The following APC variants were observed in gnomAD, a reference collection of about 807,000 sequenced individuals.
APC encodes APC regulator of Wnt signaling pathway.
Under a neutral mutation model 247.0 loss-of-function variants are expected in APC, and 72 were observed. That is an observed-to-expected ratio of 0.29 (90% CI 0.24 to 0.35). The LOEUF (loss-of-function observed/expected upper bound fraction) is 0.35. Among genes scored for constraint, APC ranks in the 10% least tolerant of loss-of-function variants. The pLI, the probability that APC is intolerant of heterozygous loss-of-function variation, is 1.00. For synonymous variants in APC, 1,254 were observed against 1,162.5 expected (o/e 1.08, Z -1.60); for missense variants, 3,400 against 3,360.7 (o/e 1.01, Z -0.29).
At chr5:112,795,638 T>C (rs761949273) in intron 7 of APC, among the ~76,000 whole-genome samples, 2 of 152,200 alleles carry the variant, frequency 1.3e-5, no homozygotes, top group Non-Finnish European at 2.9e-5. Context: ...CAGGTACAAA[T>C]GAACAAAGAC....
chr5:112,841,646 C>T lies in APC; in HGVS notation c.6052C>T (p.Pro2018Ser), dbSNP rs1274052355. 1 of 1,613,424 alleles carries T rather than the reference C, an allele frequency of 6.2e-7. No homozygotes were observed. The highest frequency in any genetic ancestry group is 8.5e-7 in the Non-Finnish European group (1 of 1,179,404). The change falls in exon 16 of 16, where the codon CCA (proline) becomes TCA (serine). Residue 2018 changes from proline (P) to serine (S), a missense_variant. This residue lies in a region of APC where 1,788 missense variants were observed against 1,649.5 expected (regional missense o/e 1.08). Coordinates refer to ENST00000257430, the MANE Select transcript of APC (RefSeq NM_000038.6). This position sits in a 1 kb window ranked among gnomAD's most constrained non-coding sequence, Gnocchi z 4.6. ...TAAATCATTTCATGTTGAAGATACC[C>T]CAGTTTGTTTCTCAAGAAACAGTTC... ...APKSFHVEDT[P>S]VCFSRNSSLS... is the part of the protein sequence containing the mutation.
intron 1 of APC, among the ~76,000 whole-genome samples, chr5:112,721,283 G>A (rs571666111): frequency 2.6e-5 from 4 of 152,194 alleles, no homozygotes; most frequent in East Asian, 3.9e-4. Flanking sequence ...GCATGGTGGC[G>A]TGTGCCTGTA....
rs185448520 is a variant in APC at position 112,769,176 on chromosome 5, G to A, written c.422+1786G>A. On this transcript the variant is annotated intron_variant, in intron 4 of 15. Transcript: ENST00000257430. ...AGCAATTCTCATGTCTCAGCCTCCC[G>A]GGTAGCTGGGATTACAGGCACGCCC... Among the ~76,000 whole-genome samples, 688 of 147,724 alleles carry A rather than the reference G, an allele frequency of 4.7e-3. 7 individuals are homozygous for A. Among genetic ancestry groups the A allele is most frequent in the African/African-American group, 0.017 (665 of 39,920 alleles).
chr5:112,732,324 G>A (rs1752140176), intron 1 of APC, among the ~76,000 whole-genome samples: 1 of 152,196 alleles, frequency 6.6e-6, no homozygotes, highest in South Asian at 2.1e-4. Flanking sequence ...ACCAAAGCTT[G>A]GGCACTACCC....
chr5:112,737,816 C>T (rs1336234073), upstream of APC: 1 of 985,104 alleles, frequency 1.0e-6, no homozygotes, highest in Non-Finnish European at 1.2e-6. Flanking sequence ...GTCGGGAGCC[C>T]GCCGATTGGC....
At chr5:112,769,400 T>A (rs1756770392) in intron 4 of APC, among the ~76,000 whole-genome samples, 1 of 152,182 alleles carries the variant, frequency 6.6e-6, no homozygotes, top group Non-Finnish European at 1.5e-5. Flanking sequence ...AAAAAATTGC[T>A]TGATGTATGG....
chr5:112,751,353 T>A (rs1434404468), intron 1 of APC, among the ~76,000 whole-genome samples: 1 of 152,096 alleles, frequency 6.6e-6, no homozygotes, highest in Admixed American at 6.5e-5. Flanking sequence ...ATTTTTTAAA[T>A]GTCTAGCTGC....
At chr5:112,727,876 G>A (rs1399604572) in intron 1 of APC, among the ~76,000 whole-genome samples, 1 of 150,648 alleles carries the variant, frequency 6.6e-6, no homozygotes, top group Non-Finnish European at 1.5e-5. Flanking sequence ...AGAGGTCAAA[G>A]TATTAAAAAA....
chr5:112,804,533 CCA>C (rs1761166607), intron 8 of APC, among the ~76,000 whole-genome samples: 2 of 152,108 alleles, frequency 1.3e-5, no homozygotes, highest in Non-Finnish European at 2.9e-5. Flanking sequence ...GTGTGTGCCA[CCA>C]CACCAAGCTA....
At chr5:112,721,706 G>C (rs1751492905) in intron 1 of APC, among the ~76,000 whole-genome samples, 1 of 152,160 alleles carries the variant, frequency 6.6e-6, no homozygotes, top group South Asian at 2.1e-4. Context: ...GGGTGTTTAA[G>C]AAAGGAGGAG....
At position 112,842,814 on chromosome 5, in the gene APC, G is replaced by T. The variant is rs1312870922; in HGVS notation, c.7220G>T (p.Gly2407Val). The T allele has an allele frequency of 6.2e-7, 1 of 1,613,468 alleles. No individual in the cohort carries two copies. The highest frequency in any genetic ancestry group is 8.5e-7 in the Non-Finnish European group (1 of 1,179,464). ...ASKGLNQMNNGNGANKKVELS... is the reference protein window; with the variant it reads ...ASKGLNQMNNVNGANKKVELS... ...AAAGGACTAAATCAGATGAATAATG[G>T]TAATGGAGCCAATAAAAAGGTAGAA... The change falls in exon 16 of 16, where the codon GGT (glycine) becomes GTT (valine). Residue 2407 changes from glycine to valine, a missense_variant. This residue lies in a region of APC where 1,788 missense variants were observed against 1,649.5 expected (regional missense o/e 1.08). Coordinates refer to ENST00000257430, the MANE Select transcript of APC (RefSeq NM_000038.6).
intron 14 of APC, among the ~76,000 whole-genome samples, chr5:112,834,184 G>C (rs528514432): frequency 6.7e-6 from 1 of 148,478 alleles, no homozygotes; most frequent in African/African-American, 2.5e-5. Flanking sequence ...TCCCAGTCAC[G>C]CCAGTCAGCC....
chr5:112,828,689 T>G (rs1253758411), intron 13 of APC, among the ~76,000 whole-genome samples, 167 bp from the exon 14 acceptor site: 1 of 152,090 alleles, frequency 6.6e-6, no homozygotes, highest in African/African-American at 2.4e-5. Context: ...TCTCAGGAGA[T>G]CCTCCTGCCT....
chr5:112,768,084 C>G (rs1354775683), intron 4 of APC, among the ~76,000 whole-genome samples: 2 of 146,930 alleles, frequency 1.4e-5, no homozygotes, highest in Non-Finnish European at 1.5e-5. Flanking sequence ...ACTTTTGTTG[C>G]CCAGGCTGGA....
rs531931776 is a variant in APC, at chr5:112,707,630, T to G, written c.-88T>G. The G allele has an allele frequency of 3.0e-6, 4 of 1,322,576 alleles. No individual in the cohort carries two copies. The African/African-American group carries it at 4.4e-5, about 14-fold the overall frequency. The allele number at this position is 1,322,576 out of a possible 1,614,324, so 81.9% of individuals were successfully genotyped here. Reference sequence around the variant, plus strand: ...AGGCCCGGGAGCTGCGGACCGAGGTTGGCTCGATGCTGTTCCCAGGTACTG... The same window carrying G: ...AGGCCCGGGAGCTGCGGACCGAGGTGGGCTCGATGCTGTTCCCAGGTACTG... On this transcript the variant is annotated 5_prime_UTR_variant, in exon 1 of 14. Transcript: ENST00000507379.
chr5:112,818,253 C>T (rs575778529), intron 9 of APC, among the ~76,000 whole-genome samples: 10 of 152,278 alleles, frequency 6.6e-5, no homozygotes, highest in Non-Finnish European at 1.3e-4. Flanking sequence ...TGGACCATGG[C>T]CCAGGATAAC....
rs1766307028 is a variant in APC, at chr5:112,842,397, C to T, written c.6803C>T (p.Thr2268Ile). 1 of 1,614,068 alleles carries T rather than the reference C, an allele frequency of 6.2e-7. No homozygotes were observed. Among genetic ancestry groups the T allele is most frequent in the South Asian group, 1.1e-5 (1 of 91,086 alleles). The change falls in exon 16 of 16, where the codon ACC (threonine) becomes ATC (isoleucine). Residue 2268 changes from threonine to isoleucine, a missense_variant. Thr to Ile is a moderately conservative substitution (Grantham distance 89). This residue lies in a region of APC where 1,788 missense variants were observed against 1,649.5 expected (regional missense o/e 1.08). Coordinates refer to ENST00000257430, the MANE Select transcript of APC (RefSeq NM_000038.6). Reference sequence around the variant, plus strand: ...AGCCCTAGTGAAGGTCAAACAGCCACCACTTCTCCTAGAGGAGCCAAGCCA... The same window carrying T: ...AGCCCTAGTGAAGGTCAAACAGCCATCACTTCTCCTAGAGGAGCCAAGCCA... ...SKSPSEGQTATTSPRGAKPSV... is the reference protein window; with the variant it reads ...SKSPSEGQTAITSPRGAKPSV...
At chr5:112,776,356 T>C (rs760830475) in intron 5 of APC, among the ~76,000 whole-genome samples, 3 of 152,232 alleles carry the variant, frequency 2.0e-5, no homozygotes, top group Non-Finnish European at 4.4e-5. Flanking sequence ...ATAATGAATG[T>C]GTTGGAGTAA....
chr5:112,813,819 T>C (rs937876449), intron 8 of APC, among the ~76,000 whole-genome samples: 1 of 151,768 alleles, frequency 6.6e-6, no homozygotes, highest in Non-Finnish European at 1.5e-5. Flanking sequence ...AAGGAAGTTA[T>C]AAGGTGTGTT....
Sources: allele counts gnomAD v4.1 joint callset (sites outside exome capture counted in the v4.1 genomes callset), GRCh38; gene constraint gnomAD v4.1.1; regional missense constraint gnomAD v4.1.1; non-coding constraint Gnocchi (gnomAD v3.1); transcripts MANE v1.5; gene names NCBI Gene and HGNC (gene_info 2026-07-23, HGNC 2026-07-21).